Variants in SCHIP1 observed in about 807,000 individuals in gnomAD.
SCHIP1 encodes the protein schwannomin-interacting protein 1.
SCHIP1 carries 8 observed loss-of-function variants against 29.7 expected under a neutral mutation model. The ratio of observed to expected loss-of-function variants is 0.27; its 90% CI spans 0.16 to 0.49. SCHIP1 has a LOEUF of 0.49. Ranked by LOEUF, SCHIP1 falls within the 20% of genes least tolerant of loss-of-function variation. SCHIP1 has a pLI of 0.99. For missense variants in SCHIP1, 193 were observed against 294.6 expected, an observed-to-expected ratio of 0.66 and a Z score of 2.52; for synonymous variants, 76 against 94.9, an observed-to-expected ratio of 0.80 and a Z score of 1.16.
chr3:159,620,403 C>T, the SCHIP1 span, among the ~76,000 whole-genome samples: 2 of 152,174 alleles, frequency 1.3e-5, no homozygotes, highest in African/African-American at 2.4e-5. Flanking sequence ...TGTGGAATGG[C>T]ATGTTCCTTT....
chr3:159,337,504 G>C, the SCHIP1 span, among the ~76,000 whole-genome samples: 3 of 152,054 alleles, frequency 2.0e-5, no homozygotes, highest in African/African-American at 7.2e-5. Context: ...AAAGTCTCAG[G>C]ATACAAAATC....
At chr3:159,589,787 C>CTGAGCAATATTCTGTCTCACA in the SCHIP1 span, among the ~76,000 whole-genome samples, 1 of 152,104 alleles carries the variant, frequency 6.6e-6, no homozygotes, top group African/African-American at 2.4e-5. Flanking sequence ...TTTATGTTTA[C>CTGAGCAATATTCTGTCTCACA]TGAGCAATAT....
chr3:159,552,032 CTT>C, the SCHIP1 span, among the ~76,000 whole-genome samples: 503 of 103,502 alleles, frequency 4.9e-3, 3 homozygotes, highest in African/African-American at 0.016. Context: ...TGCCACATTG[CTT>C]TTTTTTTTTT....
At chr3:159,709,230 G>A in the SCHIP1 span, among the ~76,000 whole-genome samples, 2 of 152,110 alleles carry the variant, frequency 1.3e-5, no homozygotes, top group African/African-American at 4.8e-5. Context: ...TGGTGGGGAA[G>A]GGAATATGGC....
chr3:159,595,364 C>A, the SCHIP1 span, among the ~76,000 whole-genome samples: 1 of 151,948 alleles, frequency 6.6e-6, no homozygotes, highest in Admixed American at 6.6e-5. Flanking sequence ...AGGAGGAGAA[C>A]CAGCAGCAGC....
At chr3:159,781,450 A>G in the SCHIP1 span, among the ~76,000 whole-genome samples, 2 of 152,216 alleles carry the variant, frequency 1.3e-5, no homozygotes, top group Non-Finnish European at 2.9e-5. Context: ...TGCTGGGATT[A>G]TAGGTGTGAG....
chr3:159,739,991 T>C, the SCHIP1 span, among the ~76,000 whole-genome samples: 2 of 152,218 alleles, frequency 1.3e-5, no homozygotes, highest in Non-Finnish European at 2.9e-5. Flanking sequence ...TCCAGGTGCA[T>C]TGGCTCCTCC....
At chr3:159,394,708 T>TCA in the SCHIP1 span, among the ~76,000 whole-genome samples, 13 of 152,212 alleles carry the variant, frequency 8.5e-5, no homozygotes, top group Non-Finnish European at 1.6e-4. Flanking sequence ...GCTGCTGGAT[T>TCA]GGTTTTGCCA....
chr3:159,482,025 A>G, the SCHIP1 span, among the ~76,000 whole-genome samples: 7 of 152,144 alleles, frequency 4.6e-5, no homozygotes, highest in African/African-American at 1.4e-4. Flanking sequence ...GTATGTGTAT[A>G]TGCATGGGTG....
At chr3:159,873,493 G>T (rs1715482759) in intron 2 of SCHIP1, among the ~76,000 whole-genome samples, 1 of 152,164 alleles carries the variant, frequency 6.6e-6, no homozygotes, top group South Asian at 2.1e-4. Context: ...TTTTCTAGAT[G>T]TTGCTATCTC....
the SCHIP1 span, among the ~76,000 whole-genome samples, chr3:159,706,446 G>T: frequency 6.6e-6 from 1 of 152,236 alleles, no homozygotes; most frequent in African/African-American, 2.4e-5. Context: ...AATGGAAGTT[G>T]AAGTTGTCTG....
At chr3:159,626,099 T>C in the SCHIP1 span, among the ~76,000 whole-genome samples, 4 of 107,590 alleles carry the variant, frequency 3.7e-5, no homozygotes, top group East Asian at 2.5e-4. Context: ...TATAGATAGA[T>C]AGATAGATAG....
At chr3:159,364,758 CA>C in the SCHIP1 span, among the ~76,000 whole-genome samples, 4 of 152,142 alleles carry the variant, frequency 2.6e-5, no homozygotes, top group Non-Finnish European at 5.9e-5. Context: ...CAAAGCTCAC[CA>C]AAAGTCCTCC....
chr3:159,329,846 G>T, the SCHIP1 span, among the ~76,000 whole-genome samples: 1 of 151,546 alleles, frequency 6.6e-6, no homozygotes, highest in African/African-American at 2.4e-5. Flanking sequence ...GGAAATAAAA[G>T]TGAAAGGCAC....
the SCHIP1 span, among the ~76,000 whole-genome samples, chr3:159,281,492 A>G: frequency 2.0e-5 from 3 of 152,226 alleles, no homozygotes; most frequent in Non-Finnish European, 4.4e-5. Context: ...GCTAAAAAGT[A>G]TAGTTTTGAA....
At chr3:159,316,844 T>C in the SCHIP1 span, among the ~76,000 whole-genome samples, 1 of 152,204 alleles carries the variant, frequency 6.6e-6, no homozygotes, top group Non-Finnish European at 1.5e-5. Context: ...AGTATATACA[T>C]GCACAAACAT....
chr3:159,483,550 CTT>C, the SCHIP1 span, among the ~76,000 whole-genome samples: 2 of 152,230 alleles, frequency 1.3e-5, no homozygotes, highest in Non-Finnish European at 2.9e-5. Flanking sequence ...AAAAAAAATA[CTT>C]TTGATTTGGA....
At chr3:159,341,063 A>G in the SCHIP1 span, among the ~76,000 whole-genome samples, 2 of 152,120 alleles carry the variant, frequency 1.3e-5, no homozygotes, top group African/African-American at 4.8e-5. Flanking sequence ...TTCAGCTGCC[A>G]AATTTTGGAA....
At chr3:159,516,875 C>G in the SCHIP1 span, among the ~76,000 whole-genome samples, 1 of 152,178 alleles carries the variant, frequency 6.6e-6, no homozygotes, top group South Asian at 2.1e-4. Flanking sequence ...ATCCACTCAT[C>G]ATTTTAGCCA....
Sources: gnomAD v4.1 joint callset for allele counts (sites outside exome capture counted in the v4.1 genomes callset) on GRCh38, gnomAD v4.1.1 for gene constraint, MANE v1.5 for transcripts, NCBI Gene and HGNC (gene_info 2026-07-23, HGNC 2026-07-21) for gene names.